The following DIAPH1 variants were observed in gnomAD, a reference collection of about 807,000 sequenced individuals.
DIAPH1 encodes the protein diaphanous related formin 1, also known as protein diaphanous homolog 1.
Under a neutral mutation model 140.7 loss-of-function variants are expected in DIAPH1, and 46 were observed. The observed-to-expected ratio is 0.33, with a 90% CI of 0.26 to 0.42. The LOEUF (loss-of-function observed/expected upper bound fraction) is 0.42, where lower values mean the gene tolerates loss of function less well. Ranked by LOEUF, DIAPH1 falls within the 10% of genes least tolerant of loss-of-function variation. DIAPH1 has a pLI of 1.00. For missense variants in DIAPH1, 1,310 were observed against 1,558.7 expected (o/e 0.84, Z 2.69); for synonymous variants, 565 against 551.6 (o/e 1.02, Z -0.34).
intron 10 of DIAPH1, 46 bp downstream of exon 10, chr5:141,578,469 C>G (rs964565110): frequency 1.3e-6 from 2 of 1,559,098 alleles, no homozygotes; most frequent in East Asian, 2.2e-5. Flanking sequence ...GGCTGTAGAG[C>G]AAGAAGGAAC....
intron 19 of DIAPH1, among the ~76,000 whole-genome samples, chr5:141,530,192 C>T (rs1223787412): frequency 6.6e-6 from 1 of 152,218 alleles, no homozygotes; most frequent in African/African-American, 2.4e-5. Context: ...ATCCTATTCC[C>T]TAACAAATAC....
intron 1 of DIAPH1, among the ~76,000 whole-genome samples, chr5:141,606,998 A>T (rs1285854793): frequency 1.3e-5 from 2 of 151,948 alleles, no homozygotes; most frequent in Non-Finnish European, 2.9e-5. Flanking sequence ...TTAAGATGAG[A>T]AAAAAGAAAA....
intron 1 of DIAPH1, among the ~76,000 whole-genome samples, chr5:141,605,048 A>G (rs868467629): frequency 2.0e-5 from 3 of 152,226 alleles, no homozygotes; most frequent in Non-Finnish European, 4.4e-5. Context: ...TAGGATCTAA[A>G]GAAACTTCCA....
intron 1 of DIAPH1, 61 bp downstream of exon 1, chr5:141,618,737 C>A: frequency 1.6e-6 from 2 of 1,260,942 alleles, no homozygotes; most frequent in Admixed American, 2.1e-5. Flanking sequence ...CAGGGGCCGG[C>A]TGCAGGGGTC....
At chr5:141,581,241 A>C (rs1318220936) in intron 7 of DIAPH1, among the ~76,000 whole-genome samples, 1 of 152,176 alleles carries the variant, frequency 6.6e-6, no homozygotes, top group Non-Finnish European at 1.5e-5. Context: ...GATTGCCAAC[A>C]AGCTACCAGA....
In DIAPH1 at chr5:141,578,755, T is replaced by G. The variant is rs190051136; in HGVS notation, c.934-130A>C. On this transcript the variant is annotated intron_variant, in intron 9 of 27. Transcript: ENST00000389054. ...CAATACAAAAACTCTAAAGATGACT[T>G]TTCTACTATAGCAATGAGACCTGGT... 30 of 752,998 alleles carry G rather than the reference T, an allele frequency of 4.0e-5. No individual in the cohort carries two copies. The Admixed American group carries it at 4.6e-4, about 12-fold the overall frequency. The allele number at this position is 752,998 out of a possible 1,614,324, so 46.6% of individuals were successfully genotyped here.
At chr5:141,613,613 A>C (rs2099902185) in intron 1 of DIAPH1, among the ~76,000 whole-genome samples, 1 of 152,210 alleles carries the variant, frequency 6.6e-6, no homozygotes, top group South Asian at 2.1e-4. Context: ...CATTCACAGT[A>C]AGATTTAATA....
At position 141,528,752 on chromosome 5, in the gene DIAPH1, C is replaced by T. The variant is rs2099887761; in HGVS notation, c.2968G>A (p.Gly990Ser). 5 of 1,614,060 alleles carry T rather than the reference C, an allele frequency of 3.1e-6. No individual in the cohort carries two copies. The highest frequency in any genetic ancestry group is 1.7e-5 in the Admixed American group (1 of 60,010). The change falls in exon 22 of 28, where the codon GGC (glycine) becomes AGC (serine). Residue 990 changes from glycine to serine, a missense_variant. By Grantham distance (56) the Gly-to-Ser change is moderately conservative. This residue lies in a region of DIAPH1 where 344 missense variants were observed against 512.2 expected (regional missense o/e 0.67). Transcript: ENST00000389054. ...TLLVGNYMNA[G>S]SRNAGAFGFN... ...CCAAAAGCACCAGCATTTCTGGAGC[C>T]AGCATTCATGTAATTTCCAACAAGC...
intron 1 of DIAPH1, among the ~76,000 whole-genome samples, chr5:141,605,102 T>A (rs984931575): frequency 2.0e-5 from 3 of 152,162 alleles, no homozygotes; most frequent in Admixed American, 6.5e-5. Flanking sequence ...TTAAAAAAAA[T>A]TAATTTCTGA....
chr5:141,539,460 C>G (rs1596348352), intron 18 of DIAPH1, among the ~76,000 whole-genome samples: 1 of 132,792 alleles, frequency 7.5e-6, no homozygotes, highest in South Asian at 2.5e-4. Flanking sequence ...TTAGTAGAGA[C>G]AGGGTTTCAC....
intron 1 of DIAPH1, among the ~76,000 whole-genome samples, chr5:141,597,976 T>C (rs1259727350): frequency 6.6e-6 from 1 of 152,216 alleles, no homozygotes; most frequent in Non-Finnish European, 1.5e-5. Context: ...GTCTAGTACT[T>C]GGCCCTCACT....
intron 18 of DIAPH1, among the ~76,000 whole-genome samples, chr5:141,553,682 T>C (rs1247274283): frequency 1.3e-5 from 2 of 151,190 alleles, no homozygotes; most frequent in South Asian, 2.1e-4. Flanking sequence ...CAAATGCATA[T>C]ATGACAGGGA....
At chr5:141,585,952 T>A (rs1466478484) in intron 3 of DIAPH1, among the ~76,000 whole-genome samples, 2 of 152,222 alleles carry the variant, frequency 1.3e-5, no homozygotes, top group Admixed American at 6.5e-5. Flanking sequence ...ATTATTTTTT[T>A]AAAATTACGG....
In DIAPH1 at chr5:141,587,281, T is replaced by G. The variant is rs2099897684; in HGVS notation, c.145-84A>C. On this transcript the variant is annotated intron_variant, in intron 2 of 27. Coordinates refer to ENST00000389054, the MANE Select transcript of DIAPH1 (RefSeq NM_005219.5). ...CATCAAATTCTTTACCCCTTTAACC[T>G]CTTACACAGGCATGGTTCCTCTGGT... 5.0e-6 allele frequency: 7 copies of G among 1,393,524 alleles called. No individual in the cohort carries two copies. The East Asian group carries it at 1.7e-4, about 33-fold the overall frequency. The allele number at this position is 1,393,524 out of a possible 1,614,324, so 86.3% of individuals were successfully genotyped here.
chr5:141,569,357 A>G (rs911036525), intron 18 of DIAPH1, among the ~76,000 whole-genome samples: 3 of 152,342 alleles, frequency 2.0e-5, no homozygotes, highest in African/African-American at 7.2e-5. Context: ...TCATTTAATT[A>G]TATCATCAAT....
rs912341187 is a variant in DIAPH1, at chr5:141,515,911, T to C, written c.*940A>G. 6.6e-6 allele frequency: 1 copy of C among 152,310 alleles called. No homozygotes were observed. The highest frequency in any genetic ancestry group is 2.4e-5 in the African/African-American group (1 of 41,402). 9.4% of individuals were successfully genotyped at this position (152,310 alleles called of 1,614,324 possible). A position where few individuals can be genotyped will look rare whatever the true frequency, so the allele number is the denominator to read the frequency against. On this transcript the variant is annotated 3_prime_UTR_variant, in exon 28 of 28. Transcript: ENST00000389054. ...GAAAGGGGGAAGGAACAGTTTTCTTTAAAAAAATTTTTTTTTTCATACAAA... is the reference window on the plus strand; with the variant it reads ...GAAAGGGGGAAGGAACAGTTTTCTTCAAAAAAATTTTTTTTTTCATACAAA...
chr5:141,612,329 A>T (rs184728961), intron 1 of DIAPH1, among the ~76,000 whole-genome samples: 11 of 152,250 alleles, frequency 7.2e-5, no homozygotes, highest in Non-Finnish European at 4.4e-5. Context: ...AAATGAAGAC[A>T]TATGTCCAGC....
chr5:141,545,512 C>T (rs372346740), intron 18 of DIAPH1, among the ~76,000 whole-genome samples: 10 of 152,216 alleles, frequency 6.6e-5, no homozygotes, highest in African/African-American at 2.4e-4. Flanking sequence ...GGCATGGTGG[C>T]ACATGCTTAT....
intron 1 of DIAPH1, among the ~76,000 whole-genome samples, chr5:141,593,597 T>C (rs1309968485): frequency 1.3e-5 from 2 of 152,182 alleles, no homozygotes; most frequent in South Asian, 2.1e-4. Flanking sequence ...GCACATATAA[T>C]TGTACAGCAC....
Sources: gnomAD v4.1 joint callset for allele counts (sites outside exome capture counted in the v4.1 genomes callset) on GRCh38, gnomAD v4.1.1 for gene constraint, gnomAD v4.1.1 regional missense constraint, MANE v1.5 for transcripts, NCBI Gene and HGNC (gene_info 2026-07-23, HGNC 2026-07-21) for gene names.